The following TMEM178B variants were observed in gnomAD, a reference collection of about 807,000 sequenced individuals.
TMEM178B encodes transmembrane protein 178B.
In TMEM178B, 5 loss-of-function variants were observed where a neutral mutation model predicts 31.0. The observed-to-expected ratio is 0.16, with a 90% CI of 0.08 to 0.34. The LOEUF is 0.34. TMEM178B is among the 10% of genes least tolerant of loss of function. TMEM178B has a pLI of 1.00. For synonymous variants in TMEM178B, 164 were observed against 164.0 expected (o/e 1.00, Z 0.00); for missense variants, 275 against 400.3 (o/e 0.69, Z 2.67).
chr7:141,192,117 A>G (rs1032497878), intron 1 of TMEM178B, among the ~76,000 whole-genome samples: 1 of 152,192 alleles, frequency 6.6e-6, no homozygotes, highest in African/African-American at 2.4e-5. Context: ...AGATGCCACT[A>G]TTACTATATA....
At chr7:141,326,768 A>C (rs539205841) in intron 2 of TMEM178B, among the ~76,000 whole-genome samples, 182 of 152,294 alleles carry the variant, frequency 1.2e-3, no homozygotes, top group Middle Eastern at 6.8e-3. Flanking sequence ...TTTATAGAAA[A>C]GTTTGCTGAT....
At chr7:141,205,225 T>C (rs1796943784) in intron 1 of TMEM178B, among the ~76,000 whole-genome samples, 1 of 152,208 alleles carries the variant, frequency 6.6e-6, no homozygotes, top group Non-Finnish European at 1.5e-5. Context: ...CTGTCCCTTT[T>C]TGGGGCAGTC....
At chr7:141,270,781 C>G (rs576175578) in intron 2 of TMEM178B, among the ~76,000 whole-genome samples, 1 of 152,210 alleles carries the variant, frequency 6.6e-6, no homozygotes, top group Non-Finnish European at 1.5e-5. Flanking sequence ...ATGTCGTTAT[C>G]TCTCTAGTAT....
intron 1 of TMEM178B, among the ~76,000 whole-genome samples, chr7:141,198,411 G>A (rs551650586): frequency 1.8e-4 from 27 of 152,334 alleles, no homozygotes; most frequent in African/African-American, 6.3e-4. Context: ...TGCAATTCTG[G>A]TGACTCATGA....
In TMEM178B at chr7:141,229,820, T is replaced by C. The variant is rs577622801; in HGVS notation, c.496+17116T>C. ...TGAGCCTAGGTGTTTGAGGCTGCTGTGATCTATAATTCCCCACGGTACACC... is the reference window on the plus strand; with the variant it reads ...TGAGCCTAGGTGTTTGAGGCTGCTGCGATCTATAATTCCCCACGGTACACC... On this transcript the variant is annotated intron_variant, in intron 2 of 3. Transcript: ENST00000565468. Among the ~76,000 whole-genome samples the C allele has an allele frequency of 3.3e-5, 5 of 152,202 alleles. No individual in the cohort carries two copies. In the South Asian group the frequency reaches 1.0e-3, roughly 32 times the overall value.
intron 2 of TMEM178B, chr7:141,352,359 A>G (rs1329789928): frequency 6.6e-6 from 1 of 151,252 alleles, no homozygotes; most frequent in African/African-American, 2.4e-5. Context: ...GACCGCTATC[A>G]TGACCAGGGA....
At chr7:141,351,053 G>A (rs1467613293) in intron 2 of TMEM178B, among the ~76,000 whole-genome samples, 1 of 152,252 alleles carries the variant, frequency 6.6e-6, no homozygotes, top group Non-Finnish European at 1.5e-5. Context: ...GCAGCAGGAA[G>A]TGATGTTAGC....
At chr7:141,081,632 A>G (rs572215699) in intron 1 of TMEM178B, among the ~76,000 whole-genome samples, 2 of 151,846 alleles carry the variant, frequency 1.3e-5, no homozygotes, top group East Asian at 3.9e-4. Context: ...GTGAAACTCC[A>G]TCTCAAAAAA....
intron 2 of TMEM178B, among the ~76,000 whole-genome samples, chr7:141,249,103 T>G (rs1043473613): frequency 6.6e-6 from 1 of 152,176 alleles, no homozygotes; most frequent in African/African-American, 2.4e-5. Flanking sequence ...ACTGATATGG[T>G]TTGACTGTGT....
At chr7:141,334,937 G>C (rs1484362149) in intron 2 of TMEM178B, among the ~76,000 whole-genome samples, 1 of 152,158 alleles carries the variant, frequency 6.6e-6, no homozygotes, top group Non-Finnish European at 1.5e-5. Context: ...CTCAATCCAG[G>C]GCAGGTCCTA....
At position 141,477,906 on chromosome 7, in the gene TMEM178B, C is replaced by G. The variant is rs1802402841; in HGVS notation, c.*7120C>G. 6.6e-6 allele frequency: 1 copy of G among 152,282 alleles called. No homozygotes were observed. Among genetic ancestry groups the G allele is most frequent in the South Asian group, 2.1e-4 (1 of 4,832 alleles). The allele number at this position is 152,282 out of a possible 1,614,324, so 9.4% of individuals were successfully genotyped here. On this transcript the variant is annotated 3_prime_UTR_variant, in exon 4 of 4. Coordinates refer to ENST00000565468, the MANE Select transcript of TMEM178B (RefSeq NM_001195278.2). ...AGCCTTCTATCTACCGTTTCATTCT[C>G]AGATTCCTTTTCCCACCCACTTTGA...
chr7:141,339,060 C>T (rs1209912157), intron 2 of TMEM178B, among the ~76,000 whole-genome samples: 5 of 152,122 alleles, frequency 3.3e-5, no homozygotes, highest in African/African-American at 9.7e-5. Context: ...GAGAGTGAGA[C>T]AGGTTGTGGG....
At chr7:141,126,617 A>G (rs1028182048) in intron 1 of TMEM178B, among the ~76,000 whole-genome samples, 3 of 152,188 alleles carry the variant, frequency 2.0e-5, no homozygotes, top group Non-Finnish European at 4.4e-5. Context: ...TGCTTTAGCA[A>G]TGGGCCATCA....
At chr7:141,314,392 G>C (rs193115570) in intron 2 of TMEM178B, among the ~76,000 whole-genome samples, 213 of 152,360 alleles carry the variant, frequency 1.4e-3, no homozygotes, top group African/African-American at 4.9e-3. Flanking sequence ...GGTTCCTTCT[G>C]ATGGGGCAGG....
chr7:141,364,453 G>C (rs1447942147), intron 2 of TMEM178B, among the ~76,000 whole-genome samples: 1 of 152,074 alleles, frequency 6.6e-6, no homozygotes, highest in African/African-American at 2.4e-5. Flanking sequence ...GAGGTCAGGA[G>C]ATCGAGACCA....
chr7:141,281,635 C>T (rs1405156643), intron 2 of TMEM178B, among the ~76,000 whole-genome samples: 1 of 152,112 alleles, frequency 6.6e-6, no homozygotes, highest in African/African-American at 2.4e-5. Flanking sequence ...TGTGTGCTAC[C>T]GGTGAGGAAC....
At chr7:141,099,476 T>A (rs1416593745) in intron 1 of TMEM178B, among the ~76,000 whole-genome samples, 2 of 152,334 alleles carry the variant, frequency 1.3e-5, no homozygotes, top group South Asian at 2.1e-4. Context: ...AATTGAATTG[T>A]CAATGTGCTG....
chr7:141,361,180 G>C (rs1020547602), intron 2 of TMEM178B, among the ~76,000 whole-genome samples: 3 of 152,202 alleles, frequency 2.0e-5, no homozygotes, highest in Non-Finnish European at 4.4e-5. Flanking sequence ...ACACTGGCTT[G>C]GGAATGTCCT....
intron 1 of TMEM178B, among the ~76,000 whole-genome samples, chr7:141,094,806 T>C (rs1794931900): frequency 6.6e-6 from 1 of 152,234 alleles, no homozygotes; most frequent in Non-Finnish European, 1.5e-5. Flanking sequence ...GCTGCTTTAT[T>C]TTCAGGCTGA....
Sources: allele counts gnomAD v4.1 joint callset (sites outside exome capture counted in the v4.1 genomes callset), GRCh38; gene constraint gnomAD v4.1.1; transcripts MANE v1.5; gene names NCBI Gene and HGNC (gene_info 2026-07-23, HGNC 2026-07-21).